The following DMD variants were observed in gnomAD, a reference collection of about 807,000 sequenced individuals.
DMD encodes mutant dystrophin.
Under a neutral mutation model 330.1 loss-of-function variants are expected in DMD, and 63 were observed. The ratio of observed to expected loss-of-function variants is 0.19; its 90% CI spans 0.16 to 0.24. DMD has a LOEUF of 0.24. Among genes scored for constraint, DMD ranks in the 10% least tolerant of loss-of-function variants. The probability of loss-of-function intolerance (pLI) is 1.00; values close to 1 mark genes in which losing one functional copy is unlikely to be tolerated. For missense variants in DMD, 3,344 were observed against 2,684.1 expected, an observed-to-expected ratio of 1.25 and a Z score of -5.43; for synonymous variants, 1,223 against 959.8, an observed-to-expected ratio of 1.27 and a Z score of -5.07.
At chrX:33,311,631 A>C (rs1241517139) in intron 1 of DMD, among the ~76,000 whole-genome samples, 1 of 110,688 alleles carries the variant, frequency 9.0e-6, no homozygotes, top group Non-Finnish European at 1.9e-5. Context: ...ACGATGATCT[A>C]GTACAAGGAA....
At chrX:31,369,838 T>C (rs1304382801) in intron 60 of DMD, among the ~76,000 whole-genome samples, 1 of 111,613 alleles carries the variant, frequency 9.0e-6, no homozygotes, top group East Asian at 2.8e-4. Context: ...CCTCATACTT[T>C]ATATAAAAAT....
chrX:32,681,501 G>A (rs2062422157), intron 9 of DMD, among the ~76,000 whole-genome samples: 2 of 111,662 alleles, frequency 1.8e-5, no homozygotes, highest in South Asian at 7.6e-4. Flanking sequence ...GTAAGAGAAG[G>A]AAGATGACGT....
Position 32,365,044 on chromosome X carries a change from T to C in DMD, c.5001A>G (p.Ala1667=), listed in dbSNP as rs1603631751. Residue 1667 remains alanine, a synonymous_variant, in exon 35 of 79, where the codon GCA becomes GCG. Coordinates refer to ENST00000357033, the MANE Select transcript of DMD (RefSeq NM_004006.3). ...CCAACAAAAGATTTAACCACTCTTC[T>C]GCTCGGGAGGTGACAGCTATCCAGT... The part of the protein sequence containing the change: ...NSNWIAVTSR[A]EEWLNLLLEY... 1 of 1,208,841 alleles carries C rather than the reference T, an allele frequency of 8.3e-7. No individual in the cohort carries two copies. The highest frequency in any genetic ancestry group is 1.8e-5 in the African/African-American group (1 of 56,928).
intron 55 of DMD, among the ~76,000 whole-genome samples, chrX:31,569,641 T>TATATACGCATATATAC (rs771071830): frequency 1.2e-5 from 1 of 82,864 alleles, no homozygotes; most frequent in Non-Finnish European, 2.5e-5. Context: ...CGTATATATA[T>TATATACGCATATATAC]GTATATACGT....
intron 7 of DMD, among the ~76,000 whole-genome samples, chrX:32,773,220 C>A (rs1186044586): frequency 9.0e-6 from 1 of 111,552 alleles, no homozygotes; most frequent in Non-Finnish European, 1.9e-5. Flanking sequence ...GTATTTATAG[C>A]TAGCGAGAGA....
chrX:31,681,303 C>T (rs2082367194), intron 52 of DMD, among the ~76,000 whole-genome samples: 1 of 111,966 alleles, frequency 8.9e-6, no homozygotes, highest in South Asian at 3.7e-4. Flanking sequence ...CAACAAATCA[C>T]AAGATAAGCA....
intron 1 of DMD, among the ~76,000 whole-genome samples, chrX:33,123,048 T>A (rs113710585): frequency 0.014 from 1,558 of 112,292 alleles, 32 homozygotes; most frequent in African/African-American, 0.048. Context: ...TACCTTCTAA[T>A]GGTTAGATAT....
At chrX:32,643,337 C>CT (rs78609842) in intron 11 of DMD, among the ~76,000 whole-genome samples, 2,702 of 100,983 alleles carry the variant, frequency 0.027, 87 homozygotes, top group African/African-American at 0.078. Flanking sequence ...TTCCTTGGTC[C>CT]TTTTTTTTTT....
At chrX:32,212,833 T>C (rs1448648300) in intron 44 of DMD, among the ~76,000 whole-genome samples, 4 of 111,752 alleles carry the variant, frequency 3.6e-5, no homozygotes, top group African/African-American at 1.3e-4. Context: ...GCATGGTATA[T>C]TGCTCTGGAA....
chrX:32,077,069 G>A (rs563102900), intron 44 of DMD, among the ~76,000 whole-genome samples: 13 of 111,875 alleles, frequency 1.2e-4, no homozygotes, highest in African/African-American at 3.9e-4. Flanking sequence ...AGGTGAAATA[G>A]ATCCATTTGC....
chrX:31,445,681 T>C (rs1340240174), intron 59 of DMD, among the ~76,000 whole-genome samples: 1 of 111,656 alleles, frequency 9.0e-6, no homozygotes, highest in Non-Finnish European at 1.9e-5. Flanking sequence ...TAGCAATGAC[T>C]TCAGAAGGCT....
chrX:31,875,208 C>G lies in DMD; in HGVS notation c.7078G>C (p.Glu2360Gln). The change falls in exon 48 of 79, where the codon GAA (glutamate) becomes CAA (glutamine). Residue 2360 changes from glutamate to glutamine, a missense_variant. Transcript: ENST00000357033. ...CCTACCTTAACGTCAAATGGTCCTT[C>G]TTGGTTTGGTTGGTTATAAATTTCC... ...QLEIYNQPNQ[E>Q]GPFDVKETEI... 1 of 1,206,819 alleles carries G rather than the reference C, an allele frequency of 8.3e-7. No homozygotes were observed. The highest frequency in any genetic ancestry group is 1.1e-6 in the Non-Finnish European group (1 of 893,022).
intron 44 of DMD, among the ~76,000 whole-genome samples, chrX:32,100,313 A>C (rs1474904226): frequency 9.2e-6 from 1 of 108,266 alleles, no homozygotes; most frequent in Non-Finnish European, 1.9e-5. Flanking sequence ...CAGATAGCCT[A>C]CTTTTTTCTC....
chrX:32,297,698 C>G (rs181623533), intron 42 of DMD, among the ~76,000 whole-genome samples: 41 of 111,769 alleles, frequency 3.7e-4, no homozygotes, highest in Admixed American at 3.0e-3. Flanking sequence ...AAACTATATA[C>G]TCAGTTAGAT....
intron 52 of DMD, among the ~76,000 whole-genome samples, chrX:31,725,192 T>G (rs1190368395): frequency 9.1e-6 from 1 of 110,347 alleles, no homozygotes; most frequent in Non-Finnish European, 1.9e-5. Flanking sequence ...TTACGTTAGC[T>G]CTCCGAGTCT....
chrX:32,736,252 A>G (rs2068466528), intron 7 of DMD, among the ~76,000 whole-genome samples: 1 of 111,558 alleles, frequency 9.0e-6, no homozygotes, highest in Non-Finnish European at 1.9e-5. Context: ...CGATCATTAA[A>G]AAGTCAGGAA....
At chrX:33,066,246 G>T in intron 1 of DMD, among the ~76,000 whole-genome samples, 1 of 107,867 alleles carries the variant, frequency 9.3e-6, no homozygotes, top group Non-Finnish European at 1.9e-5. Context: ...GAGGTCAGGA[G>T]TTCAAAACCA....
At chrX:31,834,554 C>T (rs1039027053) in intron 49 of DMD, among the ~76,000 whole-genome samples, 7 of 111,723 alleles carry the variant, frequency 6.3e-5, no homozygotes, top group Non-Finnish European at 5.6e-5. Context: ...ATTCTCCTGC[C>T]TCAGCCTCCC....
chrX:32,805,509 T>A (rs1389488546), intron 7 of DMD, among the ~76,000 whole-genome samples: 1 of 111,456 alleles, frequency 9.0e-6, no homozygotes, highest in South Asian at 3.8e-4. Context: ...GGGAAAACAT[T>A]CTTCAGGATA....
Sources: gnomAD v4.1 joint callset for allele counts (sites outside exome capture counted in the v4.1 genomes callset) on GRCh38, gnomAD v4.1.1 for gene constraint, MANE v1.5 for transcripts, NCBI Gene and HGNC (gene_info 2026-07-23, HGNC 2026-07-21) for gene names.